Variants in CCDC137 observed in about 807,000 individuals in gnomAD.
The protein encoded by CCDC137 is coiled-coil domain-containing protein 137.
CCDC137 carries 24 observed loss-of-function variants against 30.4 expected under a neutral mutation model. The observed-to-expected ratio is 0.79, with a 90% confidence interval of 0.57 to 1.11. CCDC137 has a LOEUF of 1.11. Ranked by LOEUF, CCDC137 falls within the 50% of genes least tolerant of loss-of-function variation. CCDC137 has a pLI of 0.00. For missense variants in CCDC137, 417 were observed against 380.4 expected, an observed-to-expected ratio of 1.10 and a Z score of -0.80; for synonymous variants, 182 against 155.7, an observed-to-expected ratio of 1.17 and a Z score of -1.26.
At chr17:81,669,856 C>T (rs1028165814) in intron 2 of CCDC137, 11 of 208,862 alleles carry the variant, frequency 5.3e-5, no homozygotes, top group African/African-American at 1.4e-4. Context: ...CCACCGCGCC[C>T]GGCAGGTCTG....
rs766065168 is a variant in CCDC137 at position 81,672,648 on chromosome 17, C to T, written c.814C>T (p.Leu272=). The change falls in exon 6 of 6, where the codon CTG becomes TTG. Residue 272 remains leucine, a synonymous_variant. Transcript: ENST00000329214. ...AGCGTTGAAGCAGCGGCAGCAGCAG[C>T]TGCACGGGGAGCGACCCCACCTCAC... is the stretch of plus-strand genomic sequence containing the variant. The part of the protein sequence containing the change: ...YRALKQRQQQ[L]HGERPHLTSR... 1.2e-6 allele frequency: 2 copies of T among 1,601,302 alleles called. No homozygotes were observed. Among genetic ancestry groups the T allele is most frequent in the Non-Finnish European group, 1.7e-6 (2 of 1,175,076 alleles).
chr17:81,669,327 G>A (rs1425192699), intron 2 of CCDC137, among the ~76,000 whole-genome samples: 1 of 150,364 alleles, frequency 6.7e-6, no homozygotes, highest in African/African-American at 2.5e-5. Context: ...TGTATTTTTA[G>A]TAAAGGCTGG....
chr17:81,672,540 G>T lies in CCDC137; in HGVS notation c.706G>T (p.Gly236Cys). 1 of 1,569,344 alleles carries T rather than the reference G, an allele frequency of 6.4e-7. No individual in the cohort carries two copies. The highest frequency in any genetic ancestry group is 1.2e-5 in the South Asian group (1 of 85,618). The change falls in exon 6 of 6, where the codon GGT becomes TGT. Residue 236 changes from glycine (G) to cysteine (C), a missense_variant. By Grantham distance (159) the Gly-to-Cys change is radical. Coordinates refer to ENST00000329214, the MANE Select transcript of CCDC137 (RefSeq NM_199287.3). ...GCTGCGGATGCTTCTGAGCCCCGGTGGTGTGTCCCAGCCTCTGACCGCCTC... is the reference window on the plus strand; with the variant it reads ...GCTGCGGATGCTTCTGAGCCCCGGTTGTGTGTCCCAGCCTCTGACCGCCTC... ...QMLRMLLSPG[G>C]VSQPLTASLA...
In CCDC137 at chr17:81,671,805, C is replaced by G. The variant is rs188624573; in HGVS notation, c.559C>G (p.Leu187Val). ...AAAGGAGGAAAAGGCGGCAGACAGG[C>G]TGGAGCAGGAGTTGCTCCGAGGTAG... is the stretch of plus-strand genomic sequence containing the variant. ...RKKEEKAADR[L>V]EQELLRDTVK... Residue 187 changes from leucine (L) to valine (V), a missense_variant, in exon 4 of 6, where the codon CTG becomes GTG. By Grantham distance (32) the Leu-to-Val change is conservative. Transcript: ENST00000329214. The G allele has an allele frequency of 1.2e-6, 2 of 1,613,456 alleles. No individual in the cohort carries two copies. Among genetic ancestry groups the G allele is most frequent in the Middle Eastern group, 1.6e-4 (1 of 6,062 alleles).
Position 81,672,545 on chromosome 17 carries a change from G to A in CCDC137, c.711G>A (p.Val237=), listed in dbSNP as rs890286699. 1 of 1,569,752 alleles carries A rather than the reference G, an allele frequency of 6.4e-7. No individual in the cohort carries two copies. Among genetic ancestry groups the A allele is most frequent in the East Asian group, 2.4e-5 (1 of 42,416 alleles). Reference sequence around the variant, plus strand: ...GGATGCTTCTGAGCCCCGGTGGTGTGTCCCAGCCTCTGACCGCCTCCCTGG... The same window carrying A: ...GGATGCTTCTGAGCCCCGGTGGTGTATCCCAGCCTCTGACCGCCTCCCTGG... ...MLRMLLSPGG[V]SQPLTASLAR... is the part of the protein sequence containing the mutation. The change falls in exon 6 of 6, where the codon GTG becomes GTA. Residue 237 remains valine (V), a synonymous_variant. Coordinates refer to ENST00000329214, the MANE Select transcript of CCDC137 (RefSeq NM_199287.3).
At chr17:81,668,821 C>T (rs997107676) in intron 2 of CCDC137, among the ~76,000 whole-genome samples, 3 of 151,894 alleles carry the variant, frequency 2.0e-5, no homozygotes, top group South Asian at 2.1e-4. Context: ...CTGCCTCAGC[C>T]GCCTGAGTAG....
At chr17:81,668,619 G>A (rs57650499) in intron 2 of CCDC137, among the ~76,000 whole-genome samples, 23,477 of 152,196 alleles carry the variant, frequency 0.15, 1,941 homozygotes, top group African/African-American at 0.18. Context: ...TGAGGAAGGT[G>A]CAGGGAGGAG....
chr17:81,666,877 A>G lies in CCDC137; in HGVS notation c.111A>G (p.Pro37=). Residue 37 remains proline (P), a synonymous_variant, in exon 1 of 6, where the codon CCA becomes CCG. Coordinates refer to ENST00000329214, the MANE Select transcript of CCDC137 (RefSeq NM_199287.3). ...QQVQPLGKQR[P]APWPGLRSKE... ...TGCAGCCGCTGGGGAAGCAGCGCCC[A>G]GCCCCGTGGCCCGGGCTTCGCAGGT... 1 of 1,292,172 alleles carries G rather than the reference A, an allele frequency of 7.7e-7. No homozygotes were observed. 80.0% of individuals were successfully genotyped at this position (1,292,172 alleles called of 1,614,324 possible).
chr17:81,667,300 G>A (rs2036647191), intron 1 of CCDC137, among the ~76,000 whole-genome samples: 1 of 151,594 alleles, frequency 6.6e-6, no homozygotes, highest in African/African-American at 2.4e-5. Context: ...GCCAGATGTG[G>A]CCCCTGTATA....
chr17:81,666,968 G>A, intron 1 of CCDC137, 68 bp downstream of exon 1: 1 of 1,237,924 alleles, frequency 8.1e-7, no homozygotes, highest in Non-Finnish European at 1.0e-6. Context: ...GGCTCCGCCC[G>A]GGACCCCCTA....
In CCDC137 at chr17:81,672,839, T is replaced by TA. The variant is rs1194997505; in HGVS notation, c.*136dup. On this transcript the variant is annotated 3_prime_UTR_variant, in exon 6 of 6. Transcript: ENST00000329214. Reference sequence around the variant, plus strand: ...AGCTACTTGTTCACACGTTGGGCACTAGTGGGTCCACATCTTGCAGGGGGT... The same window carrying TA: ...AGCTACTTGTTCACACGTTGGGCACTAAGTGGGTCCACATCTTGCAGGGGGT... 6 of 819,086 alleles carry TA rather than the reference T, an allele frequency of 7.3e-6. No homozygotes were observed. Among genetic ancestry groups the TA allele is most frequent in the Middle Eastern group, 3.7e-4 (1 of 2,734 alleles). The allele number at this position is 819,086 out of a possible 1,614,324, so 50.7% of individuals were successfully genotyped here.
At chr17:81,670,497 A>G (rs1179383081) in intron 3 of CCDC137, 44 bp downstream of exon 3, 3 of 1,545,334 alleles carry the variant, frequency 1.9e-6, no homozygotes, top group Middle Eastern at 2.0e-4. Flanking sequence ...TGGGAGCCGG[A>G]GGGAAGACAT....
intron 3 of CCDC137, among the ~76,000 whole-genome samples, chr17:81,670,776 G>C (rs1257379058): frequency 6.6e-6 from 1 of 152,148 alleles, no homozygotes; most frequent in African/African-American, 2.4e-5. Context: ...CGTGCCCAGG[G>C]GTTCTGTTTC....
intron 1 of CCDC137, among the ~76,000 whole-genome samples, chr17:81,667,307 T>TATAG (rs988978138): frequency 2.7e-5 from 4 of 150,410 alleles, no homozygotes; most frequent in Non-Finnish European, 4.4e-5. Context: ...GTGGCCCCTG[T>TATAG]ATAGATAGAT....
Position 81,672,081 on chromosome 17 carries a change from G to C in CCDC137, c.586G>C (p.Val196Leu), listed in dbSNP as rs1455370414. The C allele has an allele frequency of 6.2e-7, 1 of 1,614,126 alleles. No individual in the cohort carries two copies. Among genetic ancestry groups the C allele is most frequent in the East Asian group, 2.2e-5 (1 of 44,878 alleles). ...RLEQELLRDT[V>L]KFGEVVLQPP... ...GTTGTATTCTGCTCCTCCAGACACG[G>C]TGAAGTTTGGTGAGGTTGTCCTGCA... The change falls in exon 5 of 6, where the codon GTG becomes CTG. Residue 196 changes from valine to leucine, a missense_variant. Transcript: ENST00000329214.
Position 81,671,806 on chromosome 17 carries a change from T to C in CCDC137, c.560T>C (p.Leu187Pro). ...AAGGAGGAAAAGGCGGCAGACAGGC[T>C]GGAGCAGGAGTTGCTCCGAGGTAGC... ...RKKEEKAADR[L>P]EQELLRDTVK... The change falls in exon 4 of 6, where the codon CTG (leucine) becomes CCG (proline). Residue 187 changes from leucine to proline, a missense_variant. Transcript: ENST00000329214. 1.2e-6 allele frequency: 2 copies of C among 1,613,410 alleles called. No individual in the cohort carries two copies. Among genetic ancestry groups the C allele is most frequent in the Non-Finnish European group, 1.7e-6 (2 of 1,179,858 alleles).
rs1252622028 is a variant in CCDC137, at chr17:81,667,804, T to G, written c.210T>G (p.Ile70Met). 1 of 1,612,722 alleles carries G rather than the reference T, an allele frequency of 6.2e-7. No homozygotes were observed. Among genetic ancestry groups the G allele is most frequent in the Non-Finnish European group, 8.5e-7 (1 of 1,179,960 alleles). ...AGATTCCTTTCCGGCTCCGGGAGAT[T>G]ATGAGGAGCCGCCAAGAGATGAAAA... ...EQEIPFRLRE[I>M]MRSRQEMKNP... Residue 70 changes from isoleucine (I) to methionine (M), a missense_variant, in exon 2 of 6, where the codon ATT becomes ATG. Ile to Met is a conservative substitution (Grantham distance 10). Coordinates refer to ENST00000329214, the MANE Select transcript of CCDC137 (RefSeq NM_199287.3).
chr17:81,670,265 G>C lies in CCDC137; in HGVS notation c.309G>C (p.Lys103Asn). The change falls in exon 3 of 6, where the codon AAG (lysine) becomes AAC (asparagine). Residue 103 changes from lysine (K) to asparagine (N), a missense_variant. Physicochemically the swap from Lys to Asn is moderately conservative, Grantham distance 94. Transcript: ENST00000329214. ...GAAAGACATTGGAGAAGGAAGCAAA[G>C]GGAGAGGAGCCCGACATCGCAGTCC... is the stretch of plus-strand genomic sequence containing the variant. The part of the protein sequence containing the change: ...TFRKTLEKEA[K>N]GEEPDIAVPK... 2 of 1,614,048 alleles carry C rather than the reference G, an allele frequency of 1.2e-6. No homozygotes were observed. The highest frequency in any genetic ancestry group is 1.7e-6 in the Non-Finnish European group (2 of 1,180,026).
chr17:81,672,421 G>T (rs1222770899), intron 5 of CCDC137, 74 bp from the exon 6 acceptor site: 38 of 1,403,654 alleles, frequency 2.7e-5, no homozygotes, highest in Non-Finnish European at 3.6e-5. Flanking sequence ...CGGGAGAGCT[G>T]TTGAAGCTGT....
Sources: allele counts gnomAD v4.1 joint callset (sites outside exome capture counted in the v4.1 genomes callset), GRCh38; gene constraint gnomAD v4.1.1; transcripts MANE v1.5; gene names NCBI Gene and HGNC (gene_info 2026-07-23, HGNC 2026-07-21).